The following CNTN6 variants were observed in gnomAD, a reference collection of about 807,000 sequenced individuals.
The protein encoded by CNTN6 is contactin-6.
In CNTN6, 137 loss-of-function variants were observed where a neutral mutation model predicts 122.8. That is an observed-to-expected ratio of 1.12 (90% confidence interval 0.97 to 1.29). The LOEUF is 1.29. Ranked by LOEUF, CNTN6 falls within the 50% of genes most tolerant of loss-of-function variation. The pLI is 0.00. For synonymous variants in CNTN6, 570 were observed against 426.0 expected (o/e 1.34, Z -4.16); for missense variants, 1,634 against 1,223.4 (o/e 1.34, Z -5.01).
At chr3:1,213,309 C>T (rs2094074013) in intron 2 of CNTN6, among the ~76,000 whole-genome samples, 1 of 149,612 alleles carries the variant, frequency 6.7e-6, no homozygotes, top group Non-Finnish European at 1.5e-5. Context: ...GCTTAATATG[C>T]ATTATTTCAA....
intron 5 of CNTN6, among the ~76,000 whole-genome samples, chr3:1,292,137 A>C (rs1695430973): frequency 6.6e-6 from 1 of 152,040 alleles, no homozygotes; most frequent in Non-Finnish European, 1.5e-5. Flanking sequence ...ATCCTTCTCA[A>C]ATTTAGACTG....
chr3:1,161,966 A>G (rs2093145102), intron 2 of CNTN6, among the ~76,000 whole-genome samples: 1 of 152,158 alleles, frequency 6.6e-6, no homozygotes, highest in African/African-American at 2.4e-5. Flanking sequence ...AAGAACAAAG[A>G]TAACATATTT....
At chr3:1,192,024 G>A (rs948528283) in intron 2 of CNTN6, among the ~76,000 whole-genome samples, 2 of 152,090 alleles carry the variant, frequency 1.3e-5, no homozygotes, top group African/African-American at 2.4e-5. Flanking sequence ...TTGCGGTGCC[G>A]TGCTCTAGTA....
intron 7 of CNTN6, among the ~76,000 whole-genome samples, chr3:1,320,398 G>T (rs991005405): frequency 1.3e-5 from 2 of 151,570 alleles, no homozygotes; most frequent in African/African-American, 2.4e-5. Flanking sequence ...AAGTGTTCTT[G>T]CTTGAAGCTT....
intron 12 of CNTN6, 80 bp from the exon 13 acceptor site, chr3:1,372,218 AT>A: frequency 1.2e-5 from 13 of 1,089,732 alleles, no homozygotes; most frequent in Non-Finnish European, 1.7e-5. Context: ...CAAATGAATG[AT>A]AAAGTATTCA....
At chr3:1,387,779 C>G (rs1693283937) in intron 20 of CNTN6, among the ~76,000 whole-genome samples, 1 of 152,196 alleles carries the variant, frequency 6.6e-6, no homozygotes, top group South Asian at 2.1e-4. Flanking sequence ...AGTTCCCTTT[C>G]CAAGTCAAAG....
chr3:1,385,792 A>G lies in CNTN6; in HGVS notation c.2699A>G (p.Lys900Arg). ...SSPPVNVTTKKSPPSQPPANI... is the reference protein window; with the variant it reads ...SSPPVNVTTKRSPPSQPPANI... ...CCCCCAGTCAATGTTACCACCAAAAAGTCTCGTAAGTATGCATACACTCCA... is the reference window on the plus strand; with the variant it reads ...CCCCCAGTCAATGTTACCACCAAAAGGTCTCGTAAGTATGCATACACTCCA... The change falls in exon 20 of 23, where the codon AAG becomes AGG. Residue 900 changes from lysine (K) to arginine (R), a missense_variant. By Grantham distance (26) the Lys-to-Arg change is conservative. Coordinates refer to ENST00000446702, the MANE Select transcript of CNTN6 (RefSeq NM_001289080.2). 6.2e-7 allele frequency: 1 copy of G among 1,609,072 alleles called. No individual in the cohort carries two copies. The highest frequency in any genetic ancestry group is 8.5e-7 in the Non-Finnish European group (1 of 1,177,988).
chr3:1,299,583 A>C (rs1262241061), intron 7 of CNTN6, among the ~76,000 whole-genome samples: 1 of 152,230 alleles, frequency 6.6e-6, no homozygotes, highest in Non-Finnish European at 1.5e-5. Context: ...AGGGCAAGTT[A>C]CGTTTTCATT....
At chr3:1,372,275 A>T (rs1709128149) in intron 12 of CNTN6, 24 bp from the exon 13 acceptor site, 1 of 1,569,514 alleles carries the variant, frequency 6.4e-7, no homozygotes, top group South Asian at 1.2e-5. Context: ...ATAAGCTTTA[A>T]AAAATAATTT....
chr3:1,367,505 T>G (rs1708405607), intron 12 of CNTN6, among the ~76,000 whole-genome samples: 1 of 151,842 alleles, frequency 6.6e-6, no homozygotes, highest in Non-Finnish European at 1.5e-5. Flanking sequence ...CTTAATCATT[T>G]TACCTCTCAA....
At chr3:1,168,719 G>C (rs149276086) in intron 2 of CNTN6, among the ~76,000 whole-genome samples, 1 of 152,078 alleles carries the variant, frequency 6.6e-6, no homozygotes, top group African/African-American at 2.4e-5. Flanking sequence ...GGGGTGCTGA[G>C]ATCTGAACTC....
chr3:1,219,507 A>G (rs552989318), intron 2 of CNTN6, among the ~76,000 whole-genome samples: 19 of 152,282 alleles, frequency 1.2e-4, no homozygotes, highest in African/African-American at 4.6e-4. Context: ...ATTTTTGAAC[A>G]TCTTTATAGA....
intron 2 of CNTN6, among the ~76,000 whole-genome samples, chr3:1,151,995 AAT>A (rs1453954202): frequency 8.6e-5 from 13 of 151,940 alleles, no homozygotes; most frequent in Admixed American, 7.2e-4. Flanking sequence ...AAGTAGAAAA[AAT>A]ATGTTAATGA....
intron 10 of CNTN6, among the ~76,000 whole-genome samples, chr3:1,329,111 GTA>G (rs1701926527): frequency 1.3e-5 from 2 of 150,980 alleles, no homozygotes; most frequent in African/African-American, 2.4e-5. Context: ...ACGTATATAT[GTA>G]TATGTGTGTG....
intron 20 of CNTN6, among the ~76,000 whole-genome samples, 169 bp downstream of exon 20, chr3:1,385,966 C>T (rs778036268): frequency 2.0e-5 from 3 of 152,132 alleles, no homozygotes; most frequent in Non-Finnish European, 4.4e-5. Flanking sequence ...TGGTAACAAT[C>T]AAGGTAATTG....
intron 8 of CNTN6, among the ~76,000 whole-genome samples, chr3:1,324,272 G>A (rs1701242892): frequency 6.7e-6 from 1 of 148,454 alleles, no homozygotes; most frequent in South Asian, 2.1e-4. Flanking sequence ...TTCTGTCTTG[G>A]TGAAGGCAGG....
intron 2 of CNTN6, among the ~76,000 whole-genome samples, chr3:1,200,734 G>T (rs1459939536): frequency 6.6e-6 from 1 of 152,078 alleles, no homozygotes; most frequent in East Asian, 1.9e-4. Flanking sequence ...CTCAGGATTA[G>T]TTCCTCATTC....
intron 20 of CNTN6, among the ~76,000 whole-genome samples, chr3:1,393,621 G>GTGAT (rs922169321): frequency 1.4e-5 from 2 of 146,822 alleles, no homozygotes; most frequent in Non-Finnish European, 3.0e-5. Context: ...AAAATCAAGA[G>GTGAT]TGATTAGAAA....
intron 5 of CNTN6, among the ~76,000 whole-genome samples, chr3:1,284,312 A>T (rs1476022575): frequency 6.6e-6 from 1 of 152,180 alleles, no homozygotes; most frequent in African/African-American, 2.4e-5. Context: ...TGTAGAGAAA[A>T]AAGTGCTAAA....
Sources: allele counts gnomAD v4.1 joint callset (sites outside exome capture counted in the v4.1 genomes callset), GRCh38; gene constraint gnomAD v4.1.1; transcripts MANE v1.5; gene names NCBI Gene and HGNC (gene_info 2026-07-23, HGNC 2026-07-21).